CAMK2B: variants seen among roughly 807,000 people sequenced by gnomAD.
CAMK2B encodes calcium/calmodulin dependent protein kinase II beta.
In CAMK2B, 27 loss-of-function variants were observed where a neutral mutation model predicts 93.7. The observed-to-expected ratio is 0.29, with a 90% CI of 0.21 to 0.40. The LOEUF is 0.40. CAMK2B is among the 10% of genes least tolerant of loss of function. The probability of loss-of-function intolerance (pLI) is 1.00; values close to 1 mark genes in which losing one functional copy is unlikely to be tolerated. For missense variants in CAMK2B, 568 were observed against 895.8 expected, an observed-to-expected ratio of 0.63 and a Z score of 4.67; for synonymous variants, 374 against 358.8, an observed-to-expected ratio of 1.04 and a Z score of -0.48.
chr7:44,306,950 G>A (rs1454626450), intron 1 of CAMK2B, among the ~76,000 whole-genome samples: 1 of 129,592 alleles, frequency 7.7e-6, no homozygotes, highest in Admixed American at 7.5e-5. Flanking sequence ...AAGGGGGTGA[G>A]TAGGGGGAGG....
chr7:44,241,671 G>T, intron 11 of CAMK2B, 29 bp downstream of exon 11: 2 of 1,573,588 alleles, frequency 1.3e-6, no homozygotes, highest in Non-Finnish European at 1.7e-6. Flanking sequence ...AAGCATGGCC[G>T]TGCCTGGGAC....
At chr7:44,300,373 G>A (rs938216464) in intron 1 of CAMK2B, among the ~76,000 whole-genome samples, 1 of 151,946 alleles carries the variant, frequency 6.6e-6, no homozygotes, top group Admixed American at 6.6e-5. Flanking sequence ...TGGTGCCCAA[G>A]CTGGTCTTGA....
At position 44,227,769 on chromosome 7, in the gene CAMK2B, G is replaced by GTGTGGAGGAC. The variant is rs1491318637; in HGVS notation, c.1468+1026_1468+1027insGTCCTCCACA. 1.8e-4 allele frequency among the ~76,000 whole-genome samples: 5 copies of GTGTGGAGGAC among 27,820 alleles called. 1 individual carries two copies. Among genetic ancestry groups the GTGTGGAGGAC allele is most frequent in the South Asian group, 3.0e-3 (2 of 662 alleles). The allele number at this position is 27,820 out of a possible 152,430, so 18.3% of individuals were successfully genotyped here. ...CAGAGGAGGGTGTGGGGGACAGAGG[G>GTGTGGAGGAC]AGAGTCTGGGGGACAGAGGAGGGTG... On this transcript the variant is annotated intron_variant, in intron 19 of 23. Transcript: ENST00000395749.
chr7:44,310,144 G>C lies in CAMK2B; in HGVS notation c.65+15213C>G, dbSNP rs536183551. Among the ~76,000 whole-genome samples the C allele has an allele frequency of 3.3e-5, 5 of 152,370 alleles. No individual in the cohort carries two copies. The South Asian group carries it at 1.0e-3, about 32-fold the overall frequency. On this transcript the variant is annotated intron_variant, in intron 1 of 23. Coordinates refer to ENST00000395749, the MANE Select transcript of CAMK2B (RefSeq NM_001220.5). ...TTGCTGCTTTTTTCCTGCAAGCTGC[G>C]CATCAATTAAAGTACTCGGGTTTTT...
intron 19 of CAMK2B, among the ~76,000 whole-genome samples, chr7:44,228,520 G>C (rs2128908946): frequency 6.6e-6 from 1 of 152,238 alleles, no homozygotes; most frequent in South Asian, 2.1e-4. Flanking sequence ...GGCTGGGACA[G>C]ACATTTTGGA....
chr7:44,298,839 A>C (rs1486687869), intron 1 of CAMK2B, among the ~76,000 whole-genome samples: 1 of 152,086 alleles, frequency 6.6e-6, no homozygotes, highest in Non-Finnish European at 1.5e-5. Context: ...ACCACTTCAC[A>C]TCCATTAAGA....
chr7:44,252,836 T>TG (rs1432189163), intron 5 of CAMK2B, among the ~76,000 whole-genome samples: 2 of 152,232 alleles, frequency 1.3e-5, no homozygotes, highest in Admixed American at 1.3e-4. Context: ...ACTTTCTACT[T>TG]GTCTTCTAAG....
At chr7:44,295,206 G>T (rs1238300983) in intron 1 of CAMK2B, among the ~76,000 whole-genome samples, 1 of 152,194 alleles carries the variant, frequency 6.6e-6, no homozygotes, top group Non-Finnish European at 1.5e-5. Context: ...CCTAAAATGT[G>T]AAAAGAAAAA....
Position 44,318,649 on chromosome 7 carries a change from T to C in CAMK2B, c.65+6708A>G, listed in dbSNP as rs188390846. ...TCATTGTAAGGGCGACAGCAGCTCCTGCCCTCCAGGCTTCTCTTGCTGCTC... is the reference window on the plus strand; with the variant it reads ...TCATTGTAAGGGCGACAGCAGCTCCCGCCCTCCAGGCTTCTCTTGCTGCTC... On this transcript the variant is annotated intron_variant, in intron 1 of 23. Transcript: ENST00000395749. Among the ~76,000 whole-genome samples, 148 of 152,364 alleles carry C rather than the reference T, an allele frequency of 9.7e-4. No homozygotes were observed. In the Middle Eastern group the frequency reaches 0.027, roughly 28 times the overall value.
Position 44,225,514 on chromosome 7 carries a change from G to T in CAMK2B, c.1597+1002C>A, listed in dbSNP as rs1045835921. Among the ~76,000 whole-genome samples, 1 of 152,096 alleles carries T rather than the reference G, an allele frequency of 6.6e-6. No homozygotes were observed. Among genetic ancestry groups the T allele is most frequent in the African/African-American group, 2.4e-5 (1 of 41,428 alleles). On this transcript the variant is annotated intron_variant, in intron 20 of 23. Coordinates refer to ENST00000395749, the MANE Select transcript of CAMK2B (RefSeq NM_001220.5). This position sits in a 1 kb window ranked among gnomAD's most constrained non-coding sequence, Gnocchi z 5.0. The stretch of plus-strand genomic sequence containing the variant: ...ATCCCCTCAGTCAACCCCTGCTGGG[G>T]GTCCTCAGCCGACCACAGAAGCTCT...
At chr7:44,281,693 C>G (rs774274290) in intron 2 of CAMK2B, among the ~76,000 whole-genome samples, 1 of 152,180 alleles carries the variant, frequency 6.6e-6, no homozygotes, top group South Asian at 2.1e-4. Flanking sequence ...CTCAACCACA[C>G]GGCTCAGTCT....
intron 3 of CAMK2B, among the ~76,000 whole-genome samples, chr7:44,261,269 G>A (rs756427753): frequency 2.6e-5 from 4 of 152,272 alleles, no homozygotes; most frequent in Non-Finnish European, 4.4e-5. Flanking sequence ...CCAGCAGGCT[G>A]GCCCCTCTGA....
intron 2 of CAMK2B, among the ~76,000 whole-genome samples, chr7:44,273,692 T>G (rs1407337144): frequency 6.6e-6 from 1 of 152,120 alleles, no homozygotes; most frequent in Non-Finnish European, 1.5e-5. Context: ...CCTGTCAGGG[T>G]CCTACTCTCA....
intron 6 of CAMK2B, among the ~76,000 whole-genome samples, chr7:44,245,199 G>A (rs540427399): frequency 2.6e-5 from 4 of 152,232 alleles, no homozygotes; most frequent in African/African-American, 9.6e-5. Context: ...AGGCTCCAGG[G>A]TAGCTCTCAG....
chr7:44,309,213 G>A (rs567016337), intron 1 of CAMK2B, among the ~76,000 whole-genome samples: 2 of 152,340 alleles, frequency 1.3e-5, no homozygotes, highest in East Asian at 3.9e-4. Flanking sequence ...GCTCCTCCCT[G>A]CAGGGGGCTG....
At chr7:44,250,527 CTTTT>C (rs36056008) in intron 5 of CAMK2B, among the ~76,000 whole-genome samples, 7 of 117,812 alleles carry the variant, frequency 5.9e-5, no homozygotes, top group African/African-American at 1.9e-4. Flanking sequence ...AGTGACATTG[CTTTT>C]TTTTTTTTTT....
At chr7:44,228,050 C>G (rs562187117) in intron 19 of CAMK2B, among the ~76,000 whole-genome samples, 1 of 151,464 alleles carries the variant, frequency 6.6e-6, no homozygotes, top group East Asian at 1.9e-4. Flanking sequence ...CTCTGGCTGT[C>G]GGGTGGCGTG....
chr7:44,265,873 C>G (rs1318799905), intron 2 of CAMK2B, among the ~76,000 whole-genome samples: 2 of 152,070 alleles, frequency 1.3e-5, no homozygotes, highest in East Asian at 1.9e-4. Context: ...CTCAGAGAGC[C>G]GCTTGGAAAC....
chr7:44,228,553 G>A (rs557519911), intron 19 of CAMK2B, among the ~76,000 whole-genome samples: 4 of 152,096 alleles, frequency 2.6e-5, no homozygotes, highest in South Asian at 2.1e-4. Flanking sequence ...GCTGGACAGC[G>A]AGCGGGGAGT....
Sources: gnomAD v4.1 joint callset for allele counts (sites outside exome capture counted in the v4.1 genomes callset) on GRCh38, gnomAD v4.1.1 for gene constraint, Gnocchi (gnomAD v3.1) non-coding constraint, MANE v1.5 for transcripts, NCBI Gene and HGNC (gene_info 2026-07-23, HGNC 2026-07-21) for gene names.